The following EIPR1 variants were observed in gnomAD, a reference collection of about 807,000 sequenced individuals.
EIPR1 encodes the protein EARP and GARP complex-interacting protein 1.
A neutral mutation model predicts 48.1 loss-of-function variants in EIPR1; 25 were observed. That is an observed-to-expected ratio of 0.52 (90% confidence interval 0.38 to 0.73). The LOEUF (loss-of-function observed/expected upper bound fraction) is 0.73, where lower values mean the gene tolerates loss of function less well. EIPR1 is among the 30% of genes least tolerant of loss of function. The probability of loss-of-function intolerance (pLI) is 0.00; values close to 1 mark genes in which losing one functional copy is unlikely to be tolerated. For missense variants in EIPR1, 415 were observed against 506.2 expected, an observed-to-expected ratio of 0.82 and a Z score of 1.73; for synonymous variants, 204 against 201.9, an observed-to-expected ratio of 1.01 and a Z score of -0.09.
chr2:3,223,518 G>A (rs745704921), intron 4 of EIPR1, among the ~76,000 whole-genome samples: 15 of 152,278 alleles, frequency 9.9e-5, no homozygotes, highest in African/African-American at 3.1e-4. Flanking sequence ...TGTTTTGCGC[G>A]TTCTTAAATG....
intron 3 of EIPR1, among the ~76,000 whole-genome samples, chr2:3,266,596 C>T (rs1215773659): frequency 6.6e-6 from 1 of 152,152 alleles, no homozygotes; most frequent in East Asian, 1.9e-4. Flanking sequence ...GAGGGGCACC[C>T]GCGCCTCTGA....
chr2:3,236,308 T>G (rs1444470257), intron 4 of EIPR1, among the ~76,000 whole-genome samples: 2 of 152,214 alleles, frequency 1.3e-5, no homozygotes, highest in Admixed American at 1.3e-4. Flanking sequence ...TTAAGGAACC[T>G]GGCCAACATG....
chr2:3,257,476 G>T, intron 3 of EIPR1, 21 bp from the exon 4 acceptor site: 1 of 1,613,194 alleles, frequency 6.2e-7, no homozygotes, highest in Non-Finnish European at 8.5e-7. Flanking sequence ...GAGCATAATG[G>T]ATAATGTCAA....
At chr2:3,244,959 C>T (rs978875986) in intron 4 of EIPR1, among the ~76,000 whole-genome samples, 1 of 152,140 alleles carries the variant, frequency 6.6e-6, no homozygotes, top group East Asian at 1.9e-4. Context: ...ATAGGAATTT[C>T]TCTTGCAATA....
intron 3 of EIPR1, among the ~76,000 whole-genome samples, chr2:3,334,459 G>A (rs1669984987): frequency 6.6e-6 from 1 of 152,232 alleles, no homozygotes; most frequent in Non-Finnish European, 1.5e-5. Flanking sequence ...TCCCTGCCCT[G>A]CGTTATGCAC....
At chr2:3,375,519 G>A (rs186301553) in intron 1 of EIPR1, among the ~76,000 whole-genome samples, 282 of 152,216 alleles carry the variant, frequency 1.9e-3, no homozygotes, top group African/African-American at 6.6e-3. Context: ...AAGTAGCACT[G>A]GCAGAGTATG....
Position 3,358,608 on chromosome 2 carries a change from C to G in EIPR1, c.43-3975G>C, listed in dbSNP as rs79576942. On this transcript the variant is annotated intron_variant, in intron 1 of 8. Transcript: ENST00000382125. ...AGCTTTAGACTCATAAAGTTATAGG[C>G]CTTCTGCCAAAAAGGTGCATATATG... 4.3e-4 allele frequency among the ~76,000 whole-genome samples: 65 copies of G among 152,336 alleles called. 1 individual carries two copies. In the East Asian group the frequency reaches 0.012, roughly 29 times the overall value.
chr2:3,254,069 A>G lies in EIPR1; in HGVS notation c.416+3230T>C, dbSNP rs1291918472. ...CCTGGAGCTGTTCTTGGTGCCAATT[A>G]TATGCCAAAAGGAGGCAAACAAAAC... On this transcript the variant is annotated intron_variant, in intron 4 of 8. Coordinates refer to ENST00000382125, the MANE Select transcript of EIPR1 (RefSeq NM_003310.5). Among the ~76,000 whole-genome samples, 6 of 152,156 alleles carry G rather than the reference A, an allele frequency of 3.9e-5. No homozygotes were observed. In the South Asian group the frequency reaches 1.2e-3, roughly 32 times the overall value.
Position 3,189,715 on chromosome 2 carries a change from CTG to C in EIPR1, c.990-209_990-208del, listed in dbSNP as rs1247614502. ...AGAAGCCCAGAAACCCTCACTGTCA[CTG>C]TGAGGAGTGGGCATTTCTCAAAAGG... On this transcript the variant is annotated intron_variant, in intron 8 of 8. Coordinates refer to ENST00000382125, the MANE Select transcript of EIPR1 (RefSeq NM_003310.5). The surrounding 1 kb of genome is among the most constrained non-coding windows in gnomAD (Gnocchi z 4.6). Among the ~76,000 whole-genome samples, 2 of 152,154 alleles carry C rather than the reference CTG, an allele frequency of 1.3e-5. No homozygotes were observed. The highest frequency in any genetic ancestry group is 1.3e-4 in the Admixed American group (2 of 15,286).
intron 2 of EIPR1, among the ~76,000 whole-genome samples, chr2:3,342,740 T>C (rs528131072): frequency 3.9e-5 from 6 of 152,364 alleles, no homozygotes; most frequent in African/African-American, 1.4e-4. Flanking sequence ...GGGATCCATG[T>C]TCCTCCCAAG....
At position 3,376,907 on chromosome 2, in the gene EIPR1, C is replaced by G. The variant is rs140072631; in HGVS notation, c.42+741G>C. ...CTACACAATCCTCATCTTCCTCCCCCGCTCATCTCATCCCCTACCTCATTC... is the reference window on the plus strand; with the variant it reads ...CTACACAATCCTCATCTTCCTCCCCGGCTCATCTCATCCCCTACCTCATTC... On this transcript the variant is annotated intron_variant, in intron 1 of 8. Transcript: ENST00000382125. 7.0e-3 allele frequency among the ~76,000 whole-genome samples: 1,072 copies of G among 152,296 alleles called. 5 individuals are homozygous for G. Among genetic ancestry groups the G allele is most frequent in the Non-Finnish European group, 0.01 (709 of 68,034 alleles).
At chr2:3,267,032 C>G (rs1037044859) in intron 3 of EIPR1, among the ~76,000 whole-genome samples, 5 of 152,190 alleles carry the variant, frequency 3.3e-5, no homozygotes, top group African/African-American at 1.2e-4. Context: ...GGAACTACCC[C>G]CACACCCTGA....
intron 8 of EIPR1, among the ~76,000 whole-genome samples, chr2:3,190,055 G>A (rs749119311): frequency 2.0e-5 from 3 of 152,074 alleles, no homozygotes; most frequent in Admixed American, 6.5e-5. Context: ...AGAGGAAGAC[G>A]CCCTGGCCCT....
In EIPR1 at chr2:3,338,084, C is replaced by A; in HGVS notation, c.192G>T (p.Ala64=). The A allele has an allele frequency of 6.2e-7, 1 of 1,613,080 alleles. No homozygotes were observed. Among genetic ancestry groups the A allele is most frequent in the African/African-American group, 1.3e-5 (1 of 74,966 alleles). The change falls in exon 3 of 9, where the codon GCG becomes GCT. Residue 64 remains alanine, a synonymous_variant. Coordinates refer to ENST00000382125, the MANE Select transcript of EIPR1 (RefSeq NM_003310.5). ...IINKNVLLHQ[A]GEIWHISASP... ...TAGCGCTAATATGCCAGATTTCACCCGCTTGATGGAGGAGGACATTTTTAT... is the reference window on the plus strand; with the variant it reads ...TAGCGCTAATATGCCAGATTTCACCAGCTTGATGGAGGAGGACATTTTTAT...
chr2:3,357,751 C>T (rs1670763173), intron 1 of EIPR1, among the ~76,000 whole-genome samples: 1 of 152,162 alleles, frequency 6.6e-6, no homozygotes, highest in South Asian at 2.1e-4. Flanking sequence ...GCCCAATTCA[C>T]GAATTGATCA....
chr2:3,197,127 T>G, intron 5 of EIPR1, 110 bp from the exon 6 acceptor site: 1 of 1,223,956 alleles, frequency 8.2e-7, no homozygotes, highest in Non-Finnish European at 1.1e-6. Flanking sequence ...TTGAAAATAA[T>G]TACTGAGGAT....
intron 3 of EIPR1, among the ~76,000 whole-genome samples, chr2:3,314,511 G>A (rs538996507): frequency 5.2e-4 from 79 of 152,070 alleles, no homozygotes; most frequent in African/African-American, 1.8e-3. Context: ...CACTGTACTT[G>A]GCTTTTCTTC....
intron 3 of EIPR1, among the ~76,000 whole-genome samples, chr2:3,291,891 A>G (rs549989242): frequency 6.6e-6 from 1 of 152,382 alleles, no homozygotes; most frequent in South Asian, 2.1e-4. Context: ...GCAATGTCAC[A>G]GCAGGTGGCA....
At chr2:3,237,354 T>C (rs186799811) in intron 4 of EIPR1, among the ~76,000 whole-genome samples, 5 of 151,398 alleles carry the variant, frequency 3.3e-5, no homozygotes, top group Admixed American at 6.6e-5. Context: ...TAAAAATAGG[T>C]GAGTACAACA....
Sources: allele counts gnomAD v4.1 joint callset (sites outside exome capture counted in the v4.1 genomes callset), GRCh38; gene constraint gnomAD v4.1.1; non-coding constraint Gnocchi (gnomAD v3.1); transcripts MANE v1.5; gene names NCBI Gene and HGNC (gene_info 2026-07-23, HGNC 2026-07-21).